SLC6A11: variants seen among roughly 807,000 people sequenced by gnomAD.
SLC6A11 encodes the protein sodium- and chloride-dependent GABA transporter 3.
A neutral mutation model predicts 74.8 loss-of-function variants in SLC6A11; 25 were observed. The observed-to-expected ratio is 0.33, with a 90% confidence interval of 0.24 to 0.47. The LOEUF is 0.47. SLC6A11 is among the 20% of genes least tolerant of loss of function. The pLI is 1.00. For missense variants in SLC6A11, 574 were observed against 837.0 expected, an observed-to-expected ratio of 0.69 and a Z score of 3.88; for synonymous variants, 330 against 330.2, an observed-to-expected ratio of 1.00 and a Z score of 0.01.
At chr3:10,889,057 T>C (rs1011957299) in intron 6 of SLC6A11, among the ~76,000 whole-genome samples, 1 of 152,178 alleles carries the variant, frequency 6.6e-6, no homozygotes, top group Non-Finnish European at 1.5e-5. Context: ...TCTCCAAAAT[T>C]GCACATTAAA....
chr3:10,826,208 GTGGTCTA>G (rs1198255038), intron 4 of SLC6A11, among the ~76,000 whole-genome samples: 1 of 152,214 alleles, frequency 6.6e-6, no homozygotes, highest in Non-Finnish European at 1.5e-5. Context: ...CTACTTAAAT[GTGGTCTA>G]CAGAGTAGCA....
At chr3:10,920,240 T>C (rs1464826687) in intron 8 of SLC6A11, among the ~76,000 whole-genome samples, 2 of 152,178 alleles carry the variant, frequency 1.3e-5, no homozygotes, top group Non-Finnish European at 2.9e-5. Flanking sequence ...TAAAATTAAA[T>C]TTTGGACTTT....
At chr3:10,839,594 G>T (rs1180581165) in intron 4 of SLC6A11, among the ~76,000 whole-genome samples, 1 of 152,194 alleles carries the variant, frequency 6.6e-6, no homozygotes, top group African/African-American at 2.4e-5. Context: ...GGTTGTGGGG[G>T]CTTGGTCGCA....
chr3:10,911,850 G>T (rs7625514), intron 6 of SLC6A11, among the ~76,000 whole-genome samples: 1 of 152,182 alleles, frequency 6.6e-6, no homozygotes, highest in African/African-American at 2.4e-5. Context: ...TATTCACTGA[G>T]CTATTATTCA....
intron 5 of SLC6A11, among the ~76,000 whole-genome samples, chr3:10,845,276 C>G (rs779591915): frequency 2.6e-5 from 4 of 152,202 alleles, no homozygotes; most frequent in Non-Finnish European, 5.9e-5. Flanking sequence ...GCTGCCATCT[C>G]CTTCCAGGGG....
chr3:10,853,303 G>A (rs1435639640), intron 5 of SLC6A11, among the ~76,000 whole-genome samples: 1 of 152,204 alleles, frequency 6.6e-6, no homozygotes, highest in Non-Finnish European at 1.5e-5. Context: ...AGGTAGCAGA[G>A]AGAGATGACA....
chr3:10,878,491 G>A (rs1474390059), intron 6 of SLC6A11, among the ~76,000 whole-genome samples: 2 of 139,234 alleles, frequency 1.4e-5, no homozygotes, highest in African/African-American at 2.7e-5. Context: ...TGCAACCTCC[G>A]CTTCCCAGGT....
At chr3:10,910,611 G>C (rs1236698067) in intron 6 of SLC6A11, among the ~76,000 whole-genome samples, 5 of 152,024 alleles carry the variant, frequency 3.3e-5, no homozygotes, top group African/African-American at 1.2e-4. Flanking sequence ...TGAGTGAGAG[G>C]TTACACCACA....
intron 6 of SLC6A11, among the ~76,000 whole-genome samples, chr3:10,885,884 G>A (rs939464123): frequency 6.6e-5 from 10 of 152,158 alleles, no homozygotes; most frequent in South Asian, 6.2e-4. Context: ...CACCTAGCCA[G>A]CCCAGCCTCA....
intron 6 of SLC6A11, among the ~76,000 whole-genome samples, chr3:10,907,542 C>G (rs1478211847): frequency 6.6e-6 from 1 of 152,146 alleles, no homozygotes; most frequent in Non-Finnish European, 1.5e-5. Context: ...AAAAAATATA[C>G]CATGAGCCTG....
chr3:10,851,528 G>A (rs1317800332), intron 5 of SLC6A11, among the ~76,000 whole-genome samples: 1 of 152,120 alleles, frequency 6.6e-6, no homozygotes, highest in African/African-American at 2.4e-5. Flanking sequence ...ATTGGAGGTG[G>A]CACAGGACTC....
intron 10 of SLC6A11, among the ~76,000 whole-genome samples, chr3:10,929,605 G>A (rs1392440438): frequency 6.6e-6 from 1 of 152,184 alleles, no homozygotes; most frequent in Non-Finnish European, 1.5e-5. Flanking sequence ...ACGCTGGGTT[G>A]ATCTGTCATG....
intron 6 of SLC6A11, among the ~76,000 whole-genome samples, chr3:10,887,788 AG>A (rs1157775056): frequency 6.6e-6 from 1 of 152,198 alleles, no homozygotes; most frequent in Non-Finnish European, 1.5e-5. Flanking sequence ...TAGGAAGAAA[AG>A]TCTTTTCAGA....
chr3:10,901,594 C>T (rs543145455), intron 6 of SLC6A11, among the ~76,000 whole-genome samples: 7 of 152,382 alleles, frequency 4.6e-5, no homozygotes, highest in African/African-American at 1.4e-4. Context: ...CCCCTTCCCA[C>T]CACTGTTCCC....
At chr3:10,859,708 G>T (rs560538999) in intron 5 of SLC6A11, among the ~76,000 whole-genome samples, 2 of 152,098 alleles carry the variant, frequency 1.3e-5, no homozygotes, top group Non-Finnish European at 2.9e-5. Flanking sequence ...ATTTTTAAGG[G>T]ACCTGTGTCT....
intron 1 of SLC6A11, among the ~76,000 whole-genome samples, chr3:10,818,486 T>A (rs1044013637): frequency 6.6e-6 from 1 of 152,228 alleles, no homozygotes; most frequent in Non-Finnish European, 1.5e-5. Context: ...TTTCCCAATA[T>A]GAAACTTTAA....
At chr3:10,874,006 T>C (rs145174892) in intron 5 of SLC6A11, among the ~76,000 whole-genome samples, 5,893 of 151,410 alleles carry the variant, frequency 0.039, 165 homozygotes, top group Middle Eastern at 0.075. Context: ...TGCTATGCTA[T>C]GCTATGCTAT....
chr3:10,864,780 C>T (rs1694744158), intron 5 of SLC6A11, among the ~76,000 whole-genome samples: 1 of 152,220 alleles, frequency 6.6e-6, no homozygotes, highest in African/African-American at 2.4e-5. Context: ...GGCTGATTCC[C>T]TCTGTCCTTC....
chr3:10,821,955 C>A (rs1179021434), intron 3 of SLC6A11, among the ~76,000 whole-genome samples: 1 of 152,200 alleles, frequency 6.6e-6, no homozygotes, highest in African/African-American at 2.4e-5. Flanking sequence ...TCCTCTCAAG[C>A]CTGACTGAGG....
Sources: gnomAD v4.1 joint callset for allele counts (sites outside exome capture counted in the v4.1 genomes callset) on GRCh38, gnomAD v4.1.1 for gene constraint, MANE v1.5 for transcripts, NCBI Gene and HGNC (gene_info 2026-07-23, HGNC 2026-07-21) for gene names.